Variants in WDPCP observed in about 807,000 individuals in gnomAD.
WDPCP encodes WD repeat-containing and planar cell polarity effector protein fritz homolog.
Under a neutral mutation model 93.1 loss-of-function variants are expected in WDPCP, and 71 were observed. The observed-to-expected ratio is 0.76, with a 90% CI of 0.63 to 0.93. WDPCP has a LOEUF of 0.93. Ranked by LOEUF, WDPCP falls within the 40% of genes least tolerant of loss-of-function variation. The pLI is 0.00. For missense variants in WDPCP, 844 were observed against 887.4 expected, an observed-to-expected ratio of 0.95 and a Z score of 0.62; for synonymous variants, 315 against 315.0, an observed-to-expected ratio of 1.00 and a Z score of 0.00.
chr2:63,151,775 C>T (rs1671905816), intron 17 of WDPCP, among the ~76,000 whole-genome samples: 1 of 152,074 alleles, frequency 6.6e-6, no homozygotes, highest in Non-Finnish European at 1.5e-5. Flanking sequence ...TAGTATAGTT[C>T]CATATAATTA....
intron 10 of WDPCP, 152 bp from the exon 11 acceptor site, chr2:63,382,246 A>G (rs1411712043): frequency 5.6e-6 from 4 of 709,986 alleles, no homozygotes; most frequent in Non-Finnish European, 9.3e-6. Flanking sequence ...TATTTGCTAT[A>G]AGATACACTG....
chr2:63,510,551 T>G (rs1399109702), intron 1 of WDPCP, among the ~76,000 whole-genome samples: 1 of 152,190 alleles, frequency 6.6e-6, no homozygotes, highest in Non-Finnish European at 1.5e-5. Context: ...TCACCACTCC[T>G]ATTCAACACA....
Position 63,439,887 on chromosome 2 carries a change from T to G in WDPCP, c.385-16A>C. ...CAAAAAGGAGCTAAAACCAGGTAAGTGGGGGAGAGAGGGAGGAAGACATGC... is the reference window on the plus strand; with the variant it reads ...CAAAAAGGAGCTAAAACCAGGTAAGGGGGGGAGAGAGGGAGGAAGACATGC... On this transcript the variant is annotated splice_polypyrimidine_tract_variant and intron_variant, in intron 6 of 17. Transcript: ENST00000272321. The G allele has an allele frequency of 1.9e-6, 3 of 1,597,324 alleles. No individual in the cohort carries two copies. The highest frequency in any genetic ancestry group is 2.6e-6 in the Non-Finnish European group (3 of 1,165,006).
intron 12 of WDPCP, among the ~76,000 whole-genome samples, chr2:63,375,944 T>C (rs1373862063): frequency 6.6e-6 from 1 of 151,958 alleles, no homozygotes; most frequent in Non-Finnish European, 1.5e-5. Context: ...TGATGGTCTT[T>C]ACTGTTTAGG....
intron 12 of WDPCP, among the ~76,000 whole-genome samples, chr2:63,368,356 C>T (rs570339337): frequency 1.3e-4 from 20 of 151,300 alleles, no homozygotes; most frequent in East Asian, 9.7e-4. Context: ...GACAGTGTCT[C>T]GCTCTGTCGC....
chr2:63,821,104 A>G (rs1278280182), intron 1 of WDPCP, among the ~76,000 whole-genome samples: 2 of 152,180 alleles, frequency 1.3e-5, no homozygotes, highest in Admixed American at 6.6e-5. Flanking sequence ...GACATGAATA[A>G]ATGATGATGT....
intron 2 of WDPCP, among the ~76,000 whole-genome samples, chr2:63,659,125 C>T (rs1410753806): frequency 6.6e-6 from 1 of 152,092 alleles, no homozygotes; most frequent in Non-Finnish European, 1.5e-5. Context: ...ATATAGCATA[C>T]AGCATATTAT....
intron 2 of WDPCP, among the ~76,000 whole-genome samples, chr2:63,738,596 T>C (rs1025577178): frequency 6.6e-6 from 1 of 152,186 alleles, no homozygotes; most frequent in Admixed American, 6.6e-5. Flanking sequence ...ATTTGAAATT[T>C]TAATCTATAC....
chr2:63,127,692 T>C (rs1178810464), intron 17 of WDPCP, among the ~76,000 whole-genome samples: 1 of 134,460 alleles, frequency 7.4e-6, no homozygotes, highest in Admixed American at 7.5e-5. Context: ...TATATATATA[T>C]ATACGCACAC....
chr2:63,250,087 T>A lies in WDPCP; in HGVS notation c.1915+9220A>T, dbSNP rs573816857. ...ACCTTTTTACTCACTGAGAGCACCA[T>A]AAGATGCATCTCTTTGTTATATCTG... On this transcript the variant is annotated intron_variant, in intron 14 of 17. Coordinates refer to ENST00000272321, the MANE Select transcript of WDPCP (RefSeq NM_015910.7). 9.2e-5 allele frequency among the ~76,000 whole-genome samples: 14 copies of A among 152,324 alleles called. No individual in the cohort carries two copies. In the South Asian group the frequency reaches 2.9e-3, roughly 32 times the overall value.
intron 3 of WDPCP, among the ~76,000 whole-genome samples, chr2:63,628,679 T>C (rs1709834907): frequency 6.6e-6 from 1 of 152,218 alleles, no homozygotes; most frequent in South Asian, 2.1e-4. Flanking sequence ...AGCTCCCAAT[T>C]TGACATCTTG....
intron 13 of WDPCP, among the ~76,000 whole-genome samples, chr2:63,306,401 T>G (rs979371751): frequency 2.0e-5 from 3 of 152,178 alleles, no homozygotes; most frequent in African/African-American, 7.2e-5. Context: ...GAGGCCAGCA[T>G]CAACCTGATT....
At chr2:63,327,903 C>T (rs191813164) in intron 12 of WDPCP, among the ~76,000 whole-genome samples, 10 of 152,280 alleles carry the variant, frequency 6.6e-5, no homozygotes, top group Admixed American at 3.3e-4. Flanking sequence ...TGGACCAACC[C>T]GCTGGCCCTT....
chr2:63,304,806 C>T (rs1341238582), intron 13 of WDPCP, among the ~76,000 whole-genome samples: 2 of 152,130 alleles, frequency 1.3e-5, no homozygotes, highest in African/African-American at 2.4e-5. Flanking sequence ...TCTAGCTCAG[C>T]GGATCCCACC....
At chr2:63,255,507 A>C (rs1242324655) in intron 14 of WDPCP, among the ~76,000 whole-genome samples, 1 of 152,032 alleles carries the variant, frequency 6.6e-6, no homozygotes, top group Non-Finnish European at 1.5e-5. Flanking sequence ...TTGCTCTGTT[A>C]GTTCACATGA....
intron 2 of WDPCP, among the ~76,000 whole-genome samples, chr2:63,811,363 A>C (rs932386651): frequency 1.3e-5 from 2 of 152,158 alleles, no homozygotes; most frequent in African/African-American, 4.8e-5. Context: ...GACTTTCCTC[A>C]CTGGTCTGAT....
chr2:63,345,322 T>C (rs988479678), intron 12 of WDPCP, among the ~76,000 whole-genome samples: 2 of 152,170 alleles, frequency 1.3e-5, no homozygotes, highest in African/African-American at 4.8e-5. Context: ...TGCAGTCTGT[T>C]TCTAGGTGAC....
chr2:63,703,807 A>ATTAAAGTAGTT (rs1355676778), intron 2 of WDPCP, among the ~76,000 whole-genome samples: 2 of 152,154 alleles, frequency 1.3e-5, no homozygotes, highest in Non-Finnish European at 2.9e-5. Flanking sequence ...ACATATGAAC[A>ATTAAAGTAGTT]TTAAAGTAGT....
At chr2:63,159,021 C>T (rs910427387) in intron 15 of WDPCP, among the ~76,000 whole-genome samples, 16 of 143,254 alleles carry the variant, frequency 1.1e-4, no homozygotes, top group East Asian at 2.1e-4. Flanking sequence ...CAGGGTGTGG[C>T]GGCATGCCCC....
Sources: allele counts gnomAD v4.1 joint callset (sites outside exome capture counted in the v4.1 genomes callset), GRCh38; gene constraint gnomAD v4.1.1; transcripts MANE v1.5; gene names NCBI Gene and HGNC (gene_info 2026-07-23, HGNC 2026-07-21).